The following COL25A1 variants were observed in gnomAD, a reference collection of about 807,000 sequenced individuals.
COL25A1 encodes collagen alpha-1(XXV) chain.
COL25A1 carries 103 observed loss-of-function variants against 128.4 expected under a neutral mutation model. The observed-to-expected ratio is 0.80, with a 90% CI of 0.68 to 0.94. COL25A1 has a LOEUF of 0.94. Among genes scored for constraint, COL25A1 ranks in the 40% least tolerant of loss-of-function variants. The pLI, the probability that COL25A1 is intolerant of heterozygous loss-of-function variation, is 0.00. For synonymous variants in COL25A1, 279 were observed against 277.2 expected (o/e 1.01, Z -0.06); for missense variants, 745 against 840.0 (o/e 0.89, Z 1.40).
chr4:108,941,474 A>C, intron 8 of COL25A1, 37 bp from the exon 9 acceptor site: 2 of 1,484,936 alleles, frequency 1.3e-6, no homozygotes, highest in Non-Finnish European at 1.9e-6. Flanking sequence ...TGAAGTTCAG[A>C]GATGAGAGAG....
At chr4:108,990,980 G>A (rs894363858) in intron 6 of COL25A1, among the ~76,000 whole-genome samples, 7 of 152,092 alleles carry the variant, frequency 4.6e-5, no homozygotes, top group Admixed American at 3.9e-4. Context: ...ATTTTCAGTA[G>A]GCTCAGAATT....
At chr4:108,819,477 A>C (rs1731564706) in intron 35 of COL25A1, 148 bp from the exon 36 acceptor site, 3 of 628,270 alleles carry the variant, frequency 4.8e-6, no homozygotes, top group Middle Eastern at 3.5e-4. Flanking sequence ...GGCAAAGTAA[A>C]ATGGAGGGAG....
At chr4:109,270,579 A>C (rs1271081451) in intron 3 of COL25A1, among the ~76,000 whole-genome samples, 2 of 152,214 alleles carry the variant, frequency 1.3e-5, no homozygotes, top group Non-Finnish European at 2.9e-5. Context: ...TGGAGAATAC[A>C]GTCTAGCACT....
At chr4:109,147,588 G>A (rs1771066481) in intron 3 of COL25A1, among the ~76,000 whole-genome samples, 1 of 152,128 alleles carries the variant, frequency 6.6e-6, no homozygotes, top group Non-Finnish European at 1.5e-5. Context: ...AGGCCAGGGA[G>A]GGCAGATCAC....
chr4:108,817,322 C>T, intron 37 of COL25A1, 75 bp downstream of exon 37: 2 of 1,363,430 alleles, frequency 1.5e-6, no homozygotes, highest in South Asian at 2.4e-5. Context: ...AAGGTCTTTT[C>T]TGAATGGAAA....
At position 108,845,180 on chromosome 4, in the gene COL25A1, T is replaced by G. The variant is rs554587107; in HGVS notation, c.1578+9A>C. The G allele has an allele frequency of 6.2e-7, 1 of 1,611,740 alleles. No individual in the cohort carries two copies. The highest frequency in any genetic ancestry group is 1.3e-5 in the African/African-American group (1 of 74,886). ...AGGAACAATGGAAGTTCAGCCACCA[T>G]GGACTTACAGAAGGACCCTGTGGAC... On this transcript the variant is annotated intron_variant, in intron 29 of 37. Transcript: ENST00000399132.
chr4:109,277,788 A>G (rs1324226970), intron 3 of COL25A1, among the ~76,000 whole-genome samples: 1 of 152,176 alleles, frequency 6.6e-6, no homozygotes, highest in East Asian at 1.9e-4. Context: ...TTATTATGTT[A>G]CACCATGACT....
At chr4:109,070,665 T>C (rs1221506458) in intron 3 of COL25A1, among the ~76,000 whole-genome samples, 1 of 150,620 alleles carries the variant, frequency 6.6e-6, no homozygotes, top group African/African-American at 2.4e-5. Flanking sequence ...TAGGTATAAC[T>C]CCTAATGCTA....
intron 20 of COL25A1, among the ~76,000 whole-genome samples, chr4:108,864,651 G>A (rs1344105722): frequency 6.6e-6 from 1 of 152,168 alleles, no homozygotes; most frequent in Non-Finnish European, 1.5e-5. Flanking sequence ...GTGACAGAAG[G>A]GGAATCCCTG....
At chr4:109,299,641 T>C (rs1177211696) in intron 3 of COL25A1, among the ~76,000 whole-genome samples, 3 of 152,178 alleles carry the variant, frequency 2.0e-5, no homozygotes, top group Admixed American at 6.5e-5. Flanking sequence ...TGCTTAATAC[T>C]AAAGAAATTT....
intron 3 of COL25A1, among the ~76,000 whole-genome samples, chr4:109,263,371 TA>T (rs1781575185): frequency 6.6e-6 from 1 of 151,760 alleles, no homozygotes; most frequent in Non-Finnish European, 1.5e-5. Flanking sequence ...CAAATACTAG[TA>T]AGAAAAATAA....
intron 3 of COL25A1, among the ~76,000 whole-genome samples, chr4:109,057,093 T>C (rs6814294): frequency 0.49 from 75,071 of 151,714 alleles, 20,348 homozygotes; most frequent in African/African-American, 0.7. Flanking sequence ...CTCCTGGCCT[T>C]AAGCAATCCT....
At chr4:108,929,124 T>C (rs1391551225) in intron 11 of COL25A1, among the ~76,000 whole-genome samples, 1 of 151,968 alleles carries the variant, frequency 6.6e-6, no homozygotes, top group African/African-American at 2.4e-5. Flanking sequence ...TCTTTTTTGT[T>C]TTGTTTTGTT....
rs373772973 is a variant in COL25A1 at position 109,285,327 on chromosome 4, G to A, written c.367+15256C>T. ...AAGAATTTCAACCTAACAAAAAGGT[G>A]AAGTTTTCTAACAAATTGTCCAAAA... is the stretch of plus-strand genomic sequence containing the variant. On this transcript the variant is annotated intron_variant, in intron 3 of 37. Coordinates refer to ENST00000399132, the MANE Select transcript of COL25A1 (RefSeq NM_198721.4). 1.1e-3 allele frequency among the ~76,000 whole-genome samples: 167 copies of A among 152,282 alleles called. 2 individuals are homozygous for A. The highest frequency in any genetic ancestry group is 3.7e-3 in the African/African-American group (153 of 41,564).
intron 8 of COL25A1, among the ~76,000 whole-genome samples, chr4:108,960,432 T>C (rs937798990): frequency 6.6e-6 from 1 of 152,086 alleles, no homozygotes; most frequent in Non-Finnish European, 1.5e-5. Flanking sequence ...AATACAGTAA[T>C]TTTTGGTGTT....
At chr4:109,245,767 C>T (rs1780215561) in intron 3 of COL25A1, among the ~76,000 whole-genome samples, 1 of 152,086 alleles carries the variant, frequency 6.6e-6, no homozygotes, top group Non-Finnish European at 1.5e-5. Flanking sequence ...AATCATGGAA[C>T]AGGAATAGGA....
chr4:108,977,227 T>C (rs1752522710), intron 6 of COL25A1, among the ~76,000 whole-genome samples: 1 of 152,030 alleles, frequency 6.6e-6, no homozygotes, highest in Non-Finnish European at 1.5e-5. Flanking sequence ...GAAAGGGGAA[T>C]AGAGGAGGAG....
chr4:108,912,550 G>C lies in COL25A1; in HGVS notation c.780+5622C>G, dbSNP rs62314625. Among the ~76,000 whole-genome samples, 1,268 of 152,120 alleles carry C rather than the reference G, an allele frequency of 8.3e-3. 9 individuals carry two copies. The highest frequency in any genetic ancestry group is 0.031 in the Middle Eastern group (9 of 294). On this transcript the variant is annotated intron_variant, in intron 13 of 37. Coordinates refer to ENST00000399132, the MANE Select transcript of COL25A1 (RefSeq NM_198721.4). ...CATAATAAATTACTGGGTAAATTCT[G>C]CTAAAGGAAAATTTTAAGCTAATTA...
Position 108,945,467 on chromosome 4 carries a change from C to T in COL25A1, c.493-4030G>A, listed in dbSNP as rs78861375. On this transcript the variant is annotated intron_variant, in intron 8 of 37. Transcript: ENST00000399132. The stretch of plus-strand genomic sequence containing the variant: ...ATACAGAGGATATAATTTTTATTAA[C>T]CATACCATTTTTTCCCACAGTATCA... 4.7e-4 allele frequency among the ~76,000 whole-genome samples: 71 copies of T among 152,260 alleles called. No homozygotes were observed. In the East Asian group the frequency reaches 0.013, roughly 29 times the overall value.
Sources: gnomAD v4.1 joint callset for allele counts (sites outside exome capture counted in the v4.1 genomes callset) on GRCh38, gnomAD v4.1.1 for gene constraint, MANE v1.5 for transcripts, NCBI Gene and HGNC (gene_info 2026-07-23, HGNC 2026-07-21) for gene names.